The following SIGLEC14 variants were observed in gnomAD, a reference collection of about 807,000 sequenced individuals.
SIGLEC14 encodes the protein sialic acid binding Ig like lectin 14.
In SIGLEC14, 11 loss-of-function variants were observed where a neutral mutation model predicts 34.2. The ratio of observed to expected loss-of-function variants is 0.32; its 90% confidence interval spans 0.20 to 0.53. The LOEUF (loss-of-function observed/expected upper bound fraction) is 0.53, where lower values mean the gene tolerates loss of function less well. Among genes scored for constraint, SIGLEC14 ranks in the 20% least tolerant of loss-of-function variants. The pLI is 0.95. For missense variants in SIGLEC14, 264 were observed against 439.0 expected (o/e 0.60, Z 3.56); for synonymous variants, 99 against 179.7 (o/e 0.55, Z 3.59).
chr19:51,645,643 T>G, intron 3 of SIGLEC14, 113 bp from the exon 4 acceptor site: 1 of 1,450,368 alleles, frequency 6.9e-7, no homozygotes. Context: ...ACCGCTGTCC[T>G]TCCTGCCCAC....
chr19:51,644,512 G>A (rs1983988905), intron 4 of SIGLEC14, among the ~76,000 whole-genome samples: 2 of 137,882 alleles, frequency 1.5e-5, no homozygotes, highest in African/African-American at 2.8e-5. Context: ...TCCTGCTGGA[G>A]CCAAGTAGGT....
At chr19:51,644,318 G>C (rs1433143382) in intron 4 of SIGLEC14, among the ~76,000 whole-genome samples, 1 of 137,600 alleles carries the variant, frequency 7.3e-6, no homozygotes, top group African/African-American at 2.8e-5. Context: ...GACGAGGAAA[G>C]AGGCTCCTAG....
intron 2 of SIGLEC14, 98 bp downstream of exon 2, chr19:51,646,159 T>C (rs1187103590): frequency 1.2e-6 from 1 of 843,510 alleles, no homozygotes; most frequent in Non-Finnish European, 1.7e-6. Flanking sequence ...CTGCCCCAAG[T>C]CCTACACCTC....
chr19:51,645,565 T>C, intron 3 of SIGLEC14, 35 bp from the exon 4 acceptor site: 1 of 1,518,884 alleles, frequency 6.6e-7, no homozygotes, highest in South Asian at 1.2e-5. Flanking sequence ...GCTTCAGAGG[T>C]GACAAGAGGG....
At chr19:51,643,483 G>GGGGGGGGGGGGGCCCCCCC in intron 6 of SIGLEC14, 54 bp downstream of exon 6, 1 of 1,297,880 alleles carries the variant, frequency 7.7e-7, no homozygotes, top group Non-Finnish European at 1.0e-6. Context: ...GGGCAGGACA[G>GGGGGGGGGGGGGCCCCCCC]CTCAGCCCCA....
chr19:51,643,483 G>GGGGGGGCCCCCCCCCCC, intron 6 of SIGLEC14, 54 bp downstream of exon 6: 1 of 1,297,858 alleles, frequency 7.7e-7, no homozygotes, highest in Non-Finnish European at 1.0e-6. Flanking sequence ...GGGCAGGACA[G>GGGGGGGCCCCCCCCCCC]CTCAGCCCCA....
chr19:51,645,905 T>G lies in SIGLEC14; in HGVS notation c.577A>C (p.Thr193Pro), dbSNP rs1984029825. The change falls in exon 3 of 7, where the codon ACC (threonine) becomes CCC (proline). Residue 193 changes from threonine (T) to proline (P), a missense_variant. Around this residue, in one of 5 missense-constraint regions of SIGLEC14, gnomAD observed 45 missense variants for 96.7 expected, o/e 0.47. Coordinates refer to ENST00000360844, the MANE Select transcript of SIGLEC14 (RefSeq NM_001098612.3). ...GTGAGGGTGAGCTCCGAGGAGCGGG[T>G]GGTCTCGGGGTCCAGGGGGCTGAGG... ...NALSPLDPET[T>P]RSSELTLTPR... 6.6e-7 allele frequency: 1 copy of G among 1,505,356 alleles called. No individual in the cohort carries two copies. The highest frequency in any genetic ancestry group is 8.9e-7 in the Non-Finnish European group (1 of 1,128,476). 93.2% of individuals were successfully genotyped at this position (1,505,356 alleles called of 1,614,324 possible).
chr19:51,640,193 CA>C lies in SIGLEC14; in HGVS notation c.*3161del, dbSNP rs761974080. On this transcript the variant is annotated 3_prime_UTR_variant, in exon 7 of 7. Transcript: ENST00000360844. The stretch of plus-strand genomic sequence containing the variant: ...ACCACAACACAACAAAACAAACAAA[CA>C]AAAAATCCTTACAAGTTATAAGCTT... Among the ~76,000 whole-genome samples, 1 of 138,928 alleles carries C rather than the reference CA, an allele frequency of 7.2e-6. No homozygotes were observed. The highest frequency in any genetic ancestry group is 1.5e-5 in the Non-Finnish European group (1 of 64,954). 91.1% of individuals were successfully genotyped at this position (138,928 alleles called of 152,430 possible).
Position 51,644,525 on chromosome 19 carries a change from C to T in SIGLEC14, c.755-489G>A, listed in dbSNP as rs1367064893. On this transcript the variant is annotated intron_variant, in intron 4 of 6. Transcript: ENST00000360844. ...GATCCTGCTGGAGCCAAGTAGGTCC[C>T]GGACTGGAGAGAAGTGGGATAGGAG... is the stretch of plus-strand genomic sequence containing the variant. 1.5e-5 allele frequency among the ~76,000 whole-genome samples: 2 copies of T among 137,086 alleles called. 1 individual carries two copies. Among genetic ancestry groups the T allele is most frequent in the African/African-American group, 5.6e-5 (2 of 35,786 alleles). The allele number at this position is 137,086 out of a possible 152,430, so 89.9% of individuals were successfully genotyped here. A position where few individuals can be genotyped will look rare whatever the true frequency, so the allele number is the denominator to read the frequency against.
In SIGLEC14 at chr19:51,643,643, C is replaced by T. The variant is rs1211056443; in HGVS notation, c.1042G>A (p.Glu348Lys). The T allele has an allele frequency of 3.3e-6, 5 of 1,531,674 alleles. 1 individual carries two copies. Among genetic ancestry groups the T allele is most frequent in the Non-Finnish European group, 4.4e-6 (5 of 1,140,900 alleles). 94.9% of individuals were successfully genotyped at this position (1,531,674 alleles called of 1,614,324 possible). A position where few individuals can be genotyped will look rare whatever the true frequency, so the allele number is the denominator to read the frequency against. The change falls in exon 6 of 7, where the codon GAG becomes AAG. Residue 348 changes from glutamate (E) to lysine (K), a missense_variant. Glu to Lys is a moderately conservative substitution (Grantham distance 56). Coordinates refer to ENST00000360844, the MANE Select transcript of SIGLEC14 (RefSeq NM_001098612.3). ...AGGGGCCAGGAGCCCTGCTGTTTCT[C>T]AGTTACACATATGCAGGAAGAGGAG... Reference protein sequence around the residue: ...RSSSSCICVTEKQQGSWPLVL... With the variant: ...RSSSSCICVTKKQQGSWPLVL...
At chr19:51,643,455 T>TGGGGGG in intron 6 of SIGLEC14, 58 bp from the exon 7 acceptor site, 3 of 1,294,474 alleles carry the variant, frequency 2.3e-6, no homozygotes, top group Non-Finnish European at 2.0e-6. Context: ...TAATTCCAGG[T>TGGGGGG]GGGGCTGAGC....
rs764584090 is a variant in SIGLEC14 at position 51,643,693 on chromosome 19, AG to A, written c.1013-22del. On this transcript the variant is annotated intron_variant, in intron 5 of 6. Transcript: ENST00000360844. ...GCTTCCTGGGAGAAAGGAGAAGGTAAGGTGCTGTTACCAGGCCTCAGTCCCT... is the reference window on the plus strand; with the variant it reads ...GCTTCCTGGGAGAAAGGAGAAGGTAAGTGCTGTTACCAGGCCTCAGTCCCT... 8.4e-5 allele frequency: 128 copies of A among 1,530,250 alleles called. 27 individuals carry two copies. The African/African-American group carries it at 1.7e-3, about 20-fold the overall frequency. The allele number at this position is 1,530,250 out of a possible 1,614,324, so 94.8% of individuals were successfully genotyped here. A position where few individuals can be genotyped will look rare whatever the true frequency, so the allele number is the denominator to read the frequency against.
In SIGLEC14 at chr19:51,640,832, A is replaced by G. The variant is rs945873536; in HGVS notation, c.*2523T>C. ...CTACTAAATACAAAAAAAACTAGCC[A>G]GGCGTGATGGTGCGTGCCTGTAATC... On this transcript the variant is annotated 3_prime_UTR_variant, in exon 7 of 7. Transcript: ENST00000360844. Among the ~76,000 whole-genome samples, 2 of 138,148 alleles carry G rather than the reference A, an allele frequency of 1.4e-5. No individual in the cohort carries two copies. The highest frequency in any genetic ancestry group is 1.4e-4 in the Admixed American group (2 of 14,384). 90.6% of individuals were successfully genotyped at this position (138,148 alleles called of 152,430 possible). A position where few individuals can be genotyped will look rare whatever the true frequency, so the allele number is the denominator to read the frequency against.
chr19:51,643,248 G>T lies in SIGLEC14; in HGVS notation c.*107C>A. ...GTATGGGGCAGGAAGGAAAAGAGGG[G>T]TAGTCAGTGGGATGTGAGCTTCCAG... On this transcript the variant is annotated 3_prime_UTR_variant, in exon 7 of 7. Coordinates refer to ENST00000360844, the MANE Select transcript of SIGLEC14 (RefSeq NM_001098612.3). The T allele has an allele frequency of 1.8e-6, 2 of 1,089,186 alleles. 1 individual carries two copies. Among genetic ancestry groups the T allele is most frequent in the Non-Finnish European group, 2.6e-6 (2 of 755,778 alleles). The allele number at this position is 1,089,186 out of a possible 1,614,324, so 67.5% of individuals were successfully genotyped here. A position where few individuals can be genotyped will look rare whatever the true frequency, so the allele number is the denominator to read the frequency against.
In SIGLEC14 at chr19:51,640,907, G is replaced by C. The variant is rs538894330; in HGVS notation, c.*2448C>G. On this transcript the variant is annotated 3_prime_UTR_variant, in exon 7 of 7. Transcript: ENST00000360844. Reference sequence around the variant, plus strand: ...GGAGAATCACTTGTACCTGGGAGGCGGAGGTTGCAGTGAGCCAAGATCGCG... The same window carrying C: ...GGAGAATCACTTGTACCTGGGAGGCCGAGGTTGCAGTGAGCCAAGATCGCG... Among the ~76,000 whole-genome samples, 7 of 138,714 alleles carry C rather than the reference G, an allele frequency of 5.0e-5. No homozygotes were observed. The highest frequency in any genetic ancestry group is 7.7e-5 in the Non-Finnish European group (5 of 64,878). 91.0% of individuals were successfully genotyped at this position (138,714 alleles called of 152,430 possible).
chr19:51,640,468 G>C lies in SIGLEC14; in HGVS notation c.*2887C>G, dbSNP rs1258784704. 1.4e-5 allele frequency among the ~76,000 whole-genome samples: 2 copies of C among 139,070 alleles called. No individual in the cohort carries two copies. The highest frequency in any genetic ancestry group is 2.7e-5 in the African/African-American group (1 of 36,702). 91.2% of individuals were successfully genotyped at this position (139,070 alleles called of 152,430 possible). On this transcript the variant is annotated 3_prime_UTR_variant, in exon 7 of 7. Transcript: ENST00000360844. Reference sequence around the variant, plus strand: ...AAACAACAGGTAACAATTCTGGAAAGGGAAGAGCTAGGGAAAAGGAACTCC... The same window carrying C: ...AAACAACAGGTAACAATTCTGGAAACGGAAGAGCTAGGGAAAAGGAACTCC...
intron 5 of SIGLEC14, 36 bp from the exon 6 acceptor site, chr19:51,643,708 G>A (rs369594711): frequency 6.6e-7 from 1 of 1,524,784 alleles, no homozygotes; most frequent in African/African-American, 1.5e-5. Flanking sequence ...CTGTTACCAG[G>A]CCTCAGTCCC....
chr19:51,643,488 G>GGGCCCCCCCCCCCCCC, intron 6 of SIGLEC14, 49 bp downstream of exon 6: 1 of 1,290,082 alleles, frequency 7.8e-7, no homozygotes, highest in African/African-American at 1.8e-5. Flanking sequence ...GGACAGCTCA[G>GGGCCCCCCCCCCCCCC]CCCCACCTGG....
At position 51,640,842 on chromosome 19, in the gene SIGLEC14, G is replaced by C. The variant is rs1983890056; in HGVS notation, c.*2513C>G. The stretch of plus-strand genomic sequence containing the variant: ...CAAAAAAAACTAGCCAGGCGTGATG[G>C]TGCGTGCCTGTAATCCAAGCTATTT... On this transcript the variant is annotated 3_prime_UTR_variant, in exon 7 of 7. Transcript: ENST00000360844. 1.4e-5 allele frequency among the ~76,000 whole-genome samples: 2 copies of C among 138,228 alleles called. No individual in the cohort carries two copies. Among genetic ancestry groups the C allele is most frequent in the Non-Finnish European group, 3.1e-5 (2 of 64,788 alleles). 90.7% of individuals were successfully genotyped at this position (138,228 alleles called of 152,430 possible). A position where few individuals can be genotyped will look rare whatever the true frequency, so the allele number is the denominator to read the frequency against.
Sources: gnomAD v4.1 joint callset for allele counts (sites outside exome capture counted in the v4.1 genomes callset) on GRCh38, gnomAD v4.1.1 for gene constraint, gnomAD v4.1.1 regional missense constraint, MANE v1.5 for transcripts, NCBI Gene and HGNC (gene_info 2026-07-23, HGNC 2026-07-21) for gene names.